ATP13A5: variants seen among roughly 807,000 people sequenced by gnomAD.
The protein encoded by ATP13A5 is probable cation-transporting ATPase 13A5.
ATP13A5 carries 149 observed loss-of-function variants against 150.2 expected under a neutral mutation model. That is an observed-to-expected ratio of 0.99 (90% confidence interval 0.87 to 1.14). ATP13A5 has a LOEUF of 1.14. Among genes scored for constraint, ATP13A5 ranks in the 50% most tolerant of loss-of-function variants. The pLI is 0.00. For missense variants in ATP13A5, 1,383 were observed against 1,449.3 expected, an observed-to-expected ratio of 0.95 and a Z score of 0.74; for synonymous variants, 497 against 522.2, an observed-to-expected ratio of 0.95 and a Z score of 0.66.
At chr3:193,278,609 A>G (rs1486091240) in intron 28 of ATP13A5, among the ~76,000 whole-genome samples, 1 of 152,092 alleles carries the variant, frequency 6.6e-6, no homozygotes, top group Non-Finnish European at 1.5e-5. Flanking sequence ...CCTACCTCCT[A>G]CCTGGCAAAA....
chr3:193,289,997 G>A lies in ATP13A5; in HGVS notation c.2911C>T (p.Pro971Ser). ...AAAAATATTGAAAGCAGTAAAGGGG[G>A]AGAAAGGAGCTGTCCTGCTGGTCTA... ...PYRPAGQLLS[P>S]PLLLSIFLNS... Residue 971 changes from proline to serine, a missense_variant, in exon 26 of 30, where the codon CCC (proline) becomes TCC (serine). Pro to Ser is a moderately conservative substitution (Grantham distance 74, BLOSUM62 -1). Coordinates refer to ENST00000342358, the MANE Select transcript of ATP13A5 (RefSeq NM_198505.4). 6.2e-7 allele frequency: 1 copy of A among 1,613,002 alleles called. No homozygotes were observed. Among genetic ancestry groups the A allele is most frequent in the South Asian group, 1.1e-5 (1 of 91,034 alleles).
At chr3:193,279,237 A>G in intron 28 of ATP13A5, 129 bp downstream of exon 28, 1 of 681,200 alleles carries the variant, frequency 1.5e-6, no homozygotes, top group South Asian at 2.0e-5. Context: ...TTGCCCTTCT[A>G]GTATATAGAA....
At chr3:193,344,174 T>C (rs1408332719) in intron 8 of ATP13A5, 119 bp from the exon 9 acceptor site, 3 of 1,257,936 alleles carry the variant, frequency 2.4e-6, no homozygotes, top group East Asian at 2.6e-5. Context: ...TGTTCAACTG[T>C]TGAAGCCCCT....
intron 9 of ATP13A5, among the ~76,000 whole-genome samples, chr3:193,342,458 A>G (rs1712165213): frequency 6.6e-6 from 1 of 152,174 alleles, no homozygotes; most frequent in South Asian, 2.1e-4. Context: ...AAAAGAAATA[A>G]TGTATTTTTA....
intron 7 of ATP13A5, among the ~76,000 whole-genome samples, chr3:193,347,524 C>T (rs796735895): frequency 2.0e-4 from 29 of 145,410 alleles, no homozygotes; most frequent in African/African-American, 6.0e-4. Context: ...CCTTAGATTT[C>T]TTTTTTTTTT....
chr3:193,354,193 T>C lies in ATP13A5; in HGVS notation c.540A>G (p.Arg180=), dbSNP rs772876077. The C allele has an allele frequency of 6.2e-7, 1 of 1,611,150 alleles. No individual in the cohort carries two copies. Among genetic ancestry groups the C allele is most frequent in the Non-Finnish European group, 8.5e-7 (1 of 1,179,134 alleles). Residue 180 remains arginine (R), a synonymous_variant, in exon 6 of 30, where the codon AGA becomes AGG. Transcript: ENST00000342358. ...CAATGGCGTTGGGCCCACACACTAA[T>C]CTTCTGCGGGAAATTGATCATCCAT... is the stretch of plus-strand genomic sequence containing the variant. The part of the protein sequence containing the change: ...GLTSEEQEVR[R]LVCGPNAIEV...
intron 17 of ATP13A5, among the ~76,000 whole-genome samples, chr3:193,316,097 A>T (rs1464771970): frequency 6.6e-6 from 1 of 152,068 alleles, no homozygotes; most frequent in Non-Finnish European, 1.5e-5. Flanking sequence ...ACTTAGCATG[A>T]TGTCTTTCAG....
In ATP13A5 at chr3:193,365,594, A is replaced by C. The variant is rs543654541; in HGVS notation, c.64-1314T>G. ...CCAAGTAAAATGTATATGCCACTTT[A>C]TATATTATGTCATAAATATACATTC... On this transcript the variant is annotated intron_variant, in intron 1 of 29. Transcript: ENST00000342358. 2.0e-5 allele frequency among the ~76,000 whole-genome samples: 3 copies of C among 152,244 alleles called. No individual in the cohort carries two copies. In the South Asian group the frequency reaches 6.2e-4, roughly 32 times the overall value.
At chr3:193,366,664 C>A (rs141223485) in intron 1 of ATP13A5, among the ~76,000 whole-genome samples, 108 of 151,930 alleles carry the variant, frequency 7.1e-4, no homozygotes, top group African/African-American at 2.5e-3. Context: ...GCACATCCCC[C>A]CTCTCAATAA....
chr3:193,378,169 AG>A (rs1397919498), intron 1 of ATP13A5, among the ~76,000 whole-genome samples: 1 of 152,176 alleles, frequency 6.6e-6, no homozygotes, highest in Non-Finnish European at 1.5e-5. Context: ...TAAAAATCCC[AG>A]GCCACATTCT....
chr3:193,335,263 G>A (rs2108876636), intron 9 of ATP13A5, among the ~76,000 whole-genome samples, 164 bp from the exon 10 acceptor site: 1 of 152,274 alleles, frequency 6.6e-6, no homozygotes, highest in Admixed American at 6.5e-5. Flanking sequence ...TACAAGCAAT[G>A]GTAGACTTGA....
chr3:193,343,913 T>C lies in ATP13A5; in HGVS notation c.943+14A>G. 2 of 1,610,476 alleles carry C rather than the reference T, an allele frequency of 1.2e-6. No homozygotes were observed. The highest frequency in any genetic ancestry group is 1.3e-5 in the African/African-American group (1 of 74,912). On this transcript the variant is annotated intron_variant, in intron 9 of 29. Coordinates refer to ENST00000342358, the MANE Select transcript of ATP13A5 (RefSeq NM_198505.4). ...GTCAGACAGGGAAGAGGAAGCTCCA[T>C]GACAACTGCCTACCTGTAAGCATGC...
At chr3:193,322,039 C>T (rs1719300285) in intron 15 of ATP13A5, among the ~76,000 whole-genome samples, 1 of 152,148 alleles carries the variant, frequency 6.6e-6, no homozygotes, top group African/African-American at 2.4e-5. Context: ...AAGGACCTTC[C>T]CCTGGAGAAA....
chr3:193,309,525 C>T lies in ATP13A5; in HGVS notation c.2525+1113G>A, dbSNP rs80275523. 8.4e-3 allele frequency among the ~76,000 whole-genome samples: 1,279 copies of T among 152,284 alleles called. 40 individuals are homozygous for T. Among genetic ancestry groups the T allele is most frequent in the Admixed American group, 0.049 (748 of 15,294 alleles). ...TGGCATCCACGCCCTGTGTAATCCA[C>T]TCCCCTGGACGTGGGCTGGATCTAG... On this transcript the variant is annotated intron_variant, in intron 21 of 29. Transcript: ENST00000342358.
chr3:193,278,296 C>T (rs905402881), intron 28 of ATP13A5, among the ~76,000 whole-genome samples: 2 of 152,192 alleles, frequency 1.3e-5, no homozygotes, highest in Non-Finnish European at 2.9e-5. Context: ...TTCCTGCCGT[C>T]ATCTAATTAG....
At chr3:193,286,015 G>T (rs911929176) in intron 26 of ATP13A5, among the ~76,000 whole-genome samples, 1 of 152,018 alleles carries the variant, frequency 6.6e-6, no homozygotes, top group Non-Finnish European at 1.5e-5. Context: ...GTTTTAGTTA[G>T]ATTTACAATA....
intron 28 of ATP13A5, among the ~76,000 whole-genome samples, chr3:193,278,852 C>T (rs1301172323): frequency 1.3e-5 from 2 of 152,154 alleles, no homozygotes; most frequent in Non-Finnish European, 2.9e-5. Context: ...ATTTCTCTCA[C>T]AATACGGGGT....
At chr3:193,327,159 G>A (rs564177147) in intron 12 of ATP13A5, 102 bp from the exon 13 acceptor site, 2 of 1,055,498 alleles carry the variant, frequency 1.9e-6, no homozygotes, top group East Asian at 2.8e-5. Context: ...AGTAGATCCA[G>A]TAGTCTAAAT....
intron 7 of ATP13A5, among the ~76,000 whole-genome samples, chr3:193,345,367 AC>A (rs1159577618): frequency 1.3e-5 from 2 of 152,138 alleles, no homozygotes; most frequent in Non-Finnish European, 2.9e-5. Flanking sequence ...GAAACTTTAG[AC>A]AAATTAAATT....
Sources: allele counts gnomAD v4.1 joint callset (sites outside exome capture counted in the v4.1 genomes callset), GRCh38; gene constraint gnomAD v4.1.1; transcripts MANE v1.5; gene names NCBI Gene and HGNC (gene_info 2026-07-23, HGNC 2026-07-21).